The following SEC63 variants were observed in gnomAD, a reference collection of about 807,000 sequenced individuals.
SEC63 encodes the protein translocation protein SEC63 homolog.
A neutral mutation model predicts 116.2 loss-of-function variants in SEC63; 56 were observed. That is an observed-to-expected ratio of 0.48 (90% CI 0.39 to 0.60). The LOEUF (loss-of-function observed/expected upper bound fraction) is 0.60, where lower values mean the gene tolerates loss of function less well. Ranked by LOEUF, SEC63 falls within the 20% of genes least tolerant of loss-of-function variation. The pLI, the probability that SEC63 is intolerant of heterozygous loss-of-function variation, is 0.00. For missense variants in SEC63, 668 were observed against 900.0 expected, an observed-to-expected ratio of 0.74 and a Z score of 3.30; for synonymous variants, 273 against 294.6, an observed-to-expected ratio of 0.93 and a Z score of 0.75.
At chr6:107,956,483 A>C (rs1770714934) in intron 1 of SEC63, among the ~76,000 whole-genome samples, 1 of 152,212 alleles carries the variant, frequency 6.6e-6, no homozygotes, top group Non-Finnish European at 1.5e-5. Flanking sequence ...AACATCGAGG[A>C]AGAACCTACA....
chr6:107,918,904 C>CTTTTTT (rs1164457296), intron 4 of SEC63, among the ~76,000 whole-genome samples: 1 of 54,732 alleles, frequency 1.8e-5, no homozygotes, highest in Non-Finnish European at 3.2e-5. Context: ...AGCTGATTTC[C>CTTTTTT]TTTTTTTTTT....
intron 4 of SEC63, among the ~76,000 whole-genome samples, chr6:107,914,592 A>G (rs544225237): frequency 5.9e-5 from 9 of 152,314 alleles, no homozygotes; most frequent in East Asian, 1.9e-4. Context: ...AAGGCCACAG[A>G]AAAATACAGG....
At chr6:107,881,934 T>G (rs1786421996) in intron 17 of SEC63, among the ~76,000 whole-genome samples, 1 of 152,202 alleles carries the variant, frequency 6.6e-6, no homozygotes, top group Admixed American at 6.5e-5. Context: ...TTTGGTCATA[T>G]GAAGAAATTA....
At chr6:107,908,276 C>G (rs1021031615) in intron 8 of SEC63, among the ~76,000 whole-genome samples, 3 of 152,088 alleles carry the variant, frequency 2.0e-5, no homozygotes, top group Admixed American at 2.0e-4. Context: ...AGGTAACACT[C>G]TATCTCCCAA....
Position 107,954,535 on chromosome 6 carries a change from C to T in SEC63, c.124+3351G>A, listed in dbSNP as rs1583784814. On this transcript the variant is annotated intron_variant, in intron 1 of 20. Coordinates refer to ENST00000369002, the MANE Select transcript of SEC63 (RefSeq NM_007214.5). ...TTTTAGAAAAGTAACACAGCGTTTA[C>T]ACTCAAACAGACCCTATGGGGTCTA... 6.0e-5 allele frequency: 8 copies of T among 134,408 alleles called. 1 individual carries two copies. Among genetic ancestry groups the T allele is most frequent in the African/African-American group, 2.3e-4 (8 of 35,322 alleles). The allele number at this position is 134,408 out of a possible 1,614,324, so 8.3% of individuals were successfully genotyped here.
chr6:107,952,950 A>T (rs1462693827), intron 1 of SEC63, among the ~76,000 whole-genome samples: 1 of 152,144 alleles, frequency 6.6e-6, no homozygotes, highest in Non-Finnish European at 1.5e-5. Flanking sequence ...CTAAGCCTCA[A>T]AAACAAGTAT....
At chr6:107,895,835 A>G (rs893063834) in intron 14 of SEC63, among the ~76,000 whole-genome samples, 1 of 142,920 alleles carries the variant, frequency 7.0e-6, no homozygotes, top group African/African-American at 2.6e-5. Context: ...TCAGCTGGGC[A>G]GCCTACAGAG....
intron 16 of SEC63, among the ~76,000 whole-genome samples, chr6:107,884,668 A>T (rs1786488257): frequency 6.6e-6 from 1 of 152,214 alleles, no homozygotes. Context: ...TGAGCAAAAA[A>T]GGGAATACTT....
At chr6:107,942,130 T>A (rs113832275) in intron 1 of SEC63, among the ~76,000 whole-genome samples, 1,689 of 152,342 alleles carry the variant, frequency 0.011, 38 homozygotes, top group African/African-American at 0.038. Flanking sequence ...ATGTTTCTAA[T>A]TTCTTGGTAT....
At chr6:107,918,224 G>C (rs559436410) in intron 4 of SEC63, among the ~76,000 whole-genome samples, 1 of 141,032 alleles carries the variant, frequency 7.1e-6, no homozygotes, top group Admixed American at 7.5e-5. Flanking sequence ...GAATATTTTA[G>C]GCCCACTGTT....
At chr6:107,874,333 G>A (rs370370239) in intron 19 of SEC63, among the ~76,000 whole-genome samples, 55 of 152,254 alleles carry the variant, frequency 3.6e-4, no homozygotes, top group Admixed American at 2.1e-3. Flanking sequence ...GGTGGCTCAC[G>A]CCTGTAATCC....
chr6:107,940,269 G>C (rs1039754111), intron 1 of SEC63, among the ~76,000 whole-genome samples: 1 of 151,960 alleles, frequency 6.6e-6, no homozygotes, highest in African/African-American at 2.4e-5. Context: ...CAATCTAAGT[G>C]CAAACCAATA....
In SEC63 at chr6:107,911,429, C is replaced by T. The variant is rs764974614; in HGVS notation, c.574-33G>A. ...TGAAGAGAAAAAGAATTATGGCCTTCGTCAGGTAAATTAAAACAACATCCA... is the reference window on the plus strand; with the variant it reads ...TGAAGAGAAAAAGAATTATGGCCTTTGTCAGGTAAATTAAAACAACATCCA... On this transcript the variant is annotated intron_variant, in intron 6 of 20. Transcript: ENST00000369002. The T allele has an allele frequency of 1.2e-5, 17 of 1,451,738 alleles. No homozygotes were observed. The South Asian group carries it at 1.5e-4, about 13-fold the overall frequency. The allele number at this position is 1,451,738 out of a possible 1,614,324, so 89.9% of individuals were successfully genotyped here.
chr6:107,918,757 C>G (rs112621867), intron 4 of SEC63, among the ~76,000 whole-genome samples: 1,678 of 151,330 alleles, frequency 0.011, 34 homozygotes, highest in African/African-American at 0.038. Context: ...GCTACAGACA[C>G]AGTGATACCT....
At chr6:107,927,253 A>T (rs907470869) in intron 2 of SEC63, among the ~76,000 whole-genome samples, 1 of 151,960 alleles carries the variant, frequency 6.6e-6, no homozygotes, top group African/African-American at 2.4e-5. Context: ...TTTAGTAGAG[A>T]CAGGGTTTCA....
chr6:107,917,573 G>C (rs1787437243), intron 4 of SEC63, among the ~76,000 whole-genome samples: 1 of 152,226 alleles, frequency 6.6e-6, no homozygotes, highest in Middle Eastern at 3.2e-3. Context: ...TCTTGTGCCA[G>C]ACAGTCAAGT....
At chr6:107,882,412 C>T (rs1236132760) in intron 17 of SEC63, among the ~76,000 whole-genome samples, 1 of 152,164 alleles carries the variant, frequency 6.6e-6, no homozygotes, top group Non-Finnish European at 1.5e-5. Context: ...AACTTAATGC[C>T]ATGAGATTTT....
At chr6:107,893,969 T>C in intron 14 of SEC63, 72 bp from the exon 15 acceptor site, 2 of 1,483,076 alleles carry the variant, frequency 1.3e-6, no homozygotes, top group Non-Finnish European at 1.9e-6. Context: ...CAAAGCAATC[T>C]TTCAAACTGC....
intron 16 of SEC63, among the ~76,000 whole-genome samples, chr6:107,887,749 TA>T (rs982461529): frequency 5.3e-5 from 8 of 150,962 alleles, no homozygotes; most frequent in Non-Finnish European, 7.4e-5. Context: ...AAAGTATAAC[TA>T]AAAAAAAAAT....
Sources: allele counts gnomAD v4.1 joint callset (sites outside exome capture counted in the v4.1 genomes callset), GRCh38; gene constraint gnomAD v4.1.1; transcripts MANE v1.5; gene names NCBI Gene and HGNC (gene_info 2026-07-23, HGNC 2026-07-21).